The following CLDN16 variants were observed in gnomAD, a reference collection of about 807,000 sequenced individuals.
CLDN16 encodes the protein claudin 16, also known as claudin-16.
CLDN16 carries 13 observed loss-of-function variants against 24.6 expected under a neutral mutation model. The ratio of observed to expected loss-of-function variants is 0.53; its 90% CI spans 0.34 to 0.84. The LOEUF (loss-of-function observed/expected upper bound fraction) is 0.84, where lower values mean the gene tolerates loss of function less well. CLDN16 is among the 40% of genes least tolerant of loss of function. CLDN16 has a pLI of 0.01. For missense variants in CLDN16, 298 were observed against 292.7 expected, an observed-to-expected ratio of 1.02 and a Z score of -0.13; for synonymous variants, 116 against 106.7, an observed-to-expected ratio of 1.09 and a Z score of -0.54.
At chr3:190,298,525 T>C in the CLDN16 span, among the ~76,000 whole-genome samples, 4 of 150,790 alleles carry the variant, frequency 2.7e-5, no homozygotes, top group South Asian at 2.1e-4. Context: ...GCGTGATCTC[T>C]GCTCACGGCA....
intron 1 of CLDN16, among the ~76,000 whole-genome samples, chr3:190,357,944 ATTGT>A (rs1433007270): frequency 2.0e-5 from 3 of 151,702 alleles, no homozygotes; most frequent in African/African-American, 4.8e-5. Context: ...CACAGGAGAG[ATTGT>A]TTGTTTTACT....
At chr3:190,319,369 C>T (rs1041380252), upstream of CLDN16, among the ~76,000 whole-genome samples, 3 of 152,134 alleles carry the variant, frequency 2.0e-5, no homozygotes, top group African/African-American at 7.2e-5. Context: ...TATAAAACTA[C>T]AATACACAAT....
At chr3:190,308,299 G>A in the CLDN16 span, 2 of 1,613,654 alleles carry the variant, frequency 1.2e-6, no homozygotes. Flanking sequence ...TTTCCCGCTG[G>A]AAGGTGCAGG....
At chr3:190,297,700 TA>T in the CLDN16 span, among the ~76,000 whole-genome samples, 2 of 140,820 alleles carry the variant, frequency 1.4e-5, no homozygotes, top group South Asian at 4.2e-4. Context: ...TATAAATATA[TA>T]AAATATATAT....
upstream of CLDN16, among the ~76,000 whole-genome samples, chr3:190,383,810 G>T (rs572923276): frequency 4.3e-4 from 66 of 152,108 alleles, no homozygotes; most frequent in African/African-American, 1.6e-3. Context: ...ATACATGTGT[G>T]TACACACAAA....
upstream of CLDN16, among the ~76,000 whole-genome samples, chr3:190,385,530 G>C (rs1399629640): frequency 4.6e-5 from 7 of 151,502 alleles, no homozygotes; most frequent in African/African-American, 1.7e-4. Context: ...CACATACAAT[G>C]TTCAGTGACC....
chr3:190,308,388 G>A, the CLDN16 span: 7 of 1,613,756 alleles, frequency 4.3e-6, no homozygotes, highest in South Asian at 4.4e-5. Flanking sequence ...CTCCCAGAAG[G>A]CAGAGAGAAG....
At chr3:190,373,995 C>T (rs1718196309) in intron 2 of CLDN16, among the ~76,000 whole-genome samples, 1 of 151,754 alleles carries the variant, frequency 6.6e-6, no homozygotes, top group Non-Finnish European at 1.5e-5. Context: ...ATGGAAGAAA[C>T]TTCTCAGTGG....
chr3:190,402,109 C>T (rs112734582), intron 1 of CLDN16, among the ~76,000 whole-genome samples: 264 of 152,280 alleles, frequency 1.7e-3, no homozygotes, highest in African/African-American at 6.0e-3. Context: ...TCTCTACCCC[C>T]ACCCTTCATG....
upstream of CLDN16, chr3:190,322,002 A>G (rs765432112): frequency 7.4e-6 from 12 of 1,614,162 alleles, no homozygotes; most frequent in East Asian, 2.7e-4. Flanking sequence ...TTCAGCAAGG[A>G]GTCAAAGACT....
chr3:190,294,958 T>G, the CLDN16 span, among the ~76,000 whole-genome samples: 2 of 152,270 alleles, frequency 1.3e-5, no homozygotes, highest in South Asian at 4.1e-4. Context: ...TAGTCTTTTC[T>G]AGCTTTATTT....
chr3:190,390,794 TA>T (rs779594871), intron 1 of CLDN16, among the ~76,000 whole-genome samples: 1 of 152,188 alleles, frequency 6.6e-6, no homozygotes, highest in East Asian at 1.9e-4. Context: ...TTTTTATTTT[TA>T]TTTTTTTATA....
chr3:190,295,851 T>A, the CLDN16 span, among the ~76,000 whole-genome samples: 2 of 152,226 alleles, frequency 1.3e-5, no homozygotes, highest in African/African-American at 4.8e-5. Flanking sequence ...TCTAGGCTTA[T>A]AACTCACTCT....
intron 1 of CLDN16, among the ~76,000 whole-genome samples, chr3:190,327,055 GGA>G (rs559518688): frequency 2.0e-5 from 3 of 151,450 alleles, no homozygotes; most frequent in East Asian, 1.9e-4. Context: ...TGGAGAGAGA[GGA>G]GAGAGAGAGA....
chr3:190,345,832 C>T (rs991735231), intron 1 of CLDN16, among the ~76,000 whole-genome samples: 3 of 152,082 alleles, frequency 2.0e-5, no homozygotes, highest in African/African-American at 7.2e-5. Flanking sequence ...TCCATCTGTC[C>T]CCTCCTTTAA....
chr3:190,357,060 T>C (rs1326072686), intron 1 of CLDN16, among the ~76,000 whole-genome samples: 1 of 151,944 alleles, frequency 6.6e-6, no homozygotes, highest in African/African-American at 2.4e-5. Context: ...GTATATGTCA[T>C]TATATCCACT....
chr3:190,312,898 A>G, the CLDN16 span: 90 of 1,614,066 alleles, frequency 5.6e-5, no homozygotes, highest in East Asian at 1.3e-3. Flanking sequence ...CGCACCCCCA[A>G]TGACAGCCAT....
At chr3:190,364,243 G>T (rs868648367) in intron 1 of CLDN16, among the ~76,000 whole-genome samples, 1 of 151,586 alleles carries the variant, frequency 6.6e-6, no homozygotes, top group Non-Finnish European at 1.5e-5. Context: ...CAGATAATAG[G>T]ACACCCACAT....
chr3:190,318,234 A>G (rs1290629801), upstream of CLDN16, among the ~76,000 whole-genome samples: 5 of 152,174 alleles, frequency 3.3e-5, no homozygotes, highest in African/African-American at 1.2e-4. Flanking sequence ...TGTCCTCAGA[A>G]GTTTTGCTAC....
Sources: gnomAD v4.1 joint callset for allele counts (sites outside exome capture counted in the v4.1 genomes callset) on GRCh38, gnomAD v4.1.1 for gene constraint, MANE v1.5 for transcripts, NCBI Gene and HGNC (gene_info 2026-07-23, HGNC 2026-07-21) for gene names.